CLYBL: variants seen among roughly 807,000 people sequenced by gnomAD.
CLYBL encodes the protein citramalyl-CoA lyase, also known as citramalyl-CoA lyase, mitochondrial.
CLYBL carries 31 observed loss-of-function variants against 38.9 expected under a neutral mutation model. The observed-to-expected ratio is 0.80, with a 90% CI of 0.60 to 1.08. CLYBL has a LOEUF of 1.08. CLYBL is among the 50% of genes least tolerant of loss of function. The probability of loss-of-function intolerance (pLI) is 0.00; values close to 1 mark genes in which losing one functional copy is unlikely to be tolerated. For synonymous variants in CLYBL, 171 were observed against 158.6 expected, an observed-to-expected ratio of 1.08 and a Z score of -0.59; for missense variants, 434 against 411.6, an observed-to-expected ratio of 1.05 and a Z score of -0.47.
chr13:99,686,301 A>G (rs1422065950), intron 1 of CLYBL, among the ~76,000 whole-genome samples: 1 of 152,222 alleles, frequency 6.6e-6, no homozygotes, highest in African/African-American at 2.4e-5. Flanking sequence ...CCTGACTCGC[A>G]GGAGCCGGCA....
At chr13:99,662,595 T>C (rs2047425909) in intron 1 of CLYBL, among the ~76,000 whole-genome samples, 2 of 151,426 alleles carry the variant, frequency 1.3e-5, no homozygotes, top group African/African-American at 4.9e-5. Flanking sequence ...TTTTTATTAG[T>C]ATTACTAGTA....
intron 2 of CLYBL, among the ~76,000 whole-genome samples, chr13:99,837,043 TA>T (rs34500560): frequency 1.4e-4 from 20 of 147,974 alleles, no homozygotes; most frequent in Admixed American, 7.4e-4. Context: ...GTATAATAAT[TA>T]AAAAAAAAAG....
At chr13:99,626,770 T>C (rs2046875629) in intron 1 of CLYBL, among the ~76,000 whole-genome samples, 1 of 152,158 alleles carries the variant, frequency 6.6e-6, no homozygotes, top group Admixed American at 6.5e-5. Context: ...ACAGTTTAAA[T>C]GTCAATTACC....
chr13:99,712,207 C>T (rs1260535092), intron 1 of CLYBL, among the ~76,000 whole-genome samples: 2 of 152,176 alleles, frequency 1.3e-5, no homozygotes, highest in Non-Finnish European at 2.9e-5. Flanking sequence ...TCGTATTATA[C>T]CCCTGATACA....
intron 1 of CLYBL, among the ~76,000 whole-genome samples, chr13:99,615,070 CT>C (rs1360743342): frequency 1.3e-5 from 2 of 152,196 alleles, no homozygotes; most frequent in African/African-American, 4.8e-5. Context: ...GGAGGCACAC[CT>C]GAAGCCTCAA....
At chr13:99,630,267 A>T (rs1405530120) in intron 1 of CLYBL, among the ~76,000 whole-genome samples, 1 of 152,182 alleles carries the variant, frequency 6.6e-6, no homozygotes, top group Non-Finnish European at 1.5e-5. Context: ...TAAATTGTCA[A>T]ATGCCTCTTT....
chr13:99,896,058 C>G (rs1004394863), downstream of CLYBL: 4 of 151,316 alleles, frequency 2.6e-5, no homozygotes, highest in African/African-American at 9.7e-5. Context: ...CCTGCGGAGC[C>G]CCGAGGCCTC....
chr13:99,781,194 G>C (rs555867494), intron 2 of CLYBL, among the ~76,000 whole-genome samples: 1 of 147,010 alleles, frequency 6.8e-6, no homozygotes, highest in Non-Finnish European at 1.5e-5. Context: ...ATTTTGAGAC[G>C]GAGTCTCGCT....
At chr13:99,744,112 A>G (rs1239183229) in intron 1 of CLYBL, among the ~76,000 whole-genome samples, 2 of 151,760 alleles carry the variant, frequency 1.3e-5, no homozygotes, top group South Asian at 2.1e-4. Context: ...AGCTGGGACT[A>G]CAGGCGCCCG....
At position 99,642,639 on chromosome 13, in the gene CLYBL, A is replaced by G. The variant is rs919323199; in HGVS notation, c.62+35882A>G. 2.6e-5 allele frequency among the ~76,000 whole-genome samples: 4 copies of G among 151,778 alleles called. No homozygotes were observed. The South Asian group carries it at 8.3e-4, about 32-fold the overall frequency. Reference sequence around the variant, plus strand: ...CCCCATGTTGTCCAGGCTGGTCTCAAACTCCTGGGTTCAGGTGATCCTTCT... The same window carrying G: ...CCCCATGTTGTCCAGGCTGGTCTCAGACTCCTGGGTTCAGGTGATCCTTCT... On this transcript the variant is annotated intron_variant, in intron 1 of 8. Coordinates refer to ENST00000339105, the MANE Select transcript of CLYBL (RefSeq NM_206808.5).
intron 1 of CLYBL, among the ~76,000 whole-genome samples, chr13:99,750,349 A>G (rs982468685): frequency 6.6e-6 from 1 of 152,286 alleles, no homozygotes; most frequent in Admixed American, 6.5e-5. Flanking sequence ...TCTTTAAAGG[A>G]GCTAAAGGGC....
At chr13:99,767,501 T>C (rs1464245396) in intron 1 of CLYBL, among the ~76,000 whole-genome samples, 1 of 152,254 alleles carries the variant, frequency 6.6e-6, no homozygotes, top group African/African-American at 2.4e-5. Context: ...TCACCAAATT[T>C]GGAGAGTTTT....
intron 2 of CLYBL, among the ~76,000 whole-genome samples, chr13:99,777,578 C>T (rs960981820): frequency 4.0e-5 from 6 of 151,612 alleles, no homozygotes; most frequent in African/African-American, 9.7e-5. Flanking sequence ...ATGCAACCTC[C>T]GCCTCTCGGG....
chr13:99,710,881 CTTTT>C (rs748011707), intron 1 of CLYBL, among the ~76,000 whole-genome samples: 17 of 83,892 alleles, frequency 2.0e-4, no homozygotes, highest in East Asian at 6.5e-4. Flanking sequence ...TTTCTAACCC[CTTTT>C]TTTTTTTTTT....
In CLYBL at chr13:99,612,973, C is replaced by A. The variant is rs1477950609; in HGVS notation, c.62+6216C>A. On this transcript the variant is annotated intron_variant, in intron 1 of 8. Coordinates refer to ENST00000339105, the MANE Select transcript of CLYBL (RefSeq NM_206808.5). ...GGGGTTTCAGTGAGCTGTGATGATA[C>A]CACTGCACTCCAGCCTGGGTGACAG... Among the ~76,000 whole-genome samples, 5 of 151,026 alleles carry A rather than the reference C, an allele frequency of 3.3e-5. No individual in the cohort carries two copies. In the East Asian group the frequency reaches 9.8e-4, roughly 30 times the overall value.
intron 2 of CLYBL, among the ~76,000 whole-genome samples, chr13:99,822,392 C>A (rs1007401696): frequency 9.9e-5 from 15 of 152,092 alleles, no homozygotes; most frequent in Admixed American, 9.2e-4. Context: ...TGAAAGAAGT[C>A]AAAGAAATGG....
At chr13:99,887,975 C>T (rs1211912662) in intron 7 of CLYBL, among the ~76,000 whole-genome samples, 2 of 152,084 alleles carry the variant, frequency 1.3e-5, no homozygotes, top group Non-Finnish European at 2.9e-5. Context: ...CGTGCCTCAA[C>T]CTCCCGTGTA....
At chr13:99,901,166 C>A (rs1206740745), downstream of CLYBL, among the ~76,000 whole-genome samples, 1 of 152,218 alleles carries the variant, frequency 6.6e-6, no homozygotes, top group African/African-American at 2.4e-5. Flanking sequence ...TCGACACCAC[C>A]TCTTGGCCGC....
Position 99,641,648 on chromosome 13 carries a change from CA to C in CLYBL, c.62+34905del, listed in dbSNP as rs35893746. Among the ~76,000 whole-genome samples, 246 of 143,642 alleles carry C rather than the reference CA, an allele frequency of 1.7e-3. 1 individual carries two copies. Among genetic ancestry groups the C allele is most frequent in the African/African-American group, 2.6e-3 (103 of 38,896 alleles). The allele number at this position is 143,642 out of a possible 152,430, so 94.2% of individuals were successfully genotyped here. A position where few individuals can be genotyped will look rare whatever the true frequency, so the allele number is the denominator to read the frequency against. On this transcript the variant is annotated intron_variant, in intron 1 of 8. Transcript: ENST00000339105. The stretch of plus-strand genomic sequence containing the variant: ...TGAAACCCCATCTCTACTAAAAATA[CA>C]AAAAAAAAAAAAATTAGCCAGGCAT...
Sources: allele counts gnomAD v4.1 joint callset (sites outside exome capture counted in the v4.1 genomes callset), GRCh38; gene constraint gnomAD v4.1.1; transcripts MANE v1.5; gene names NCBI Gene and HGNC (gene_info 2026-07-23, HGNC 2026-07-21).